Variants in KLHDC1 observed in about 807,000 individuals in gnomAD.
The protein encoded by KLHDC1 is kelch domain containing 1.
A neutral mutation model predicts 68.3 loss-of-function variants in KLHDC1; 53 were observed. That is an observed-to-expected ratio of 0.78 (90% CI 0.62 to 0.98). The LOEUF (loss-of-function observed/expected upper bound fraction) is 0.98, where lower values mean the gene tolerates loss of function less well. Ranked by LOEUF, KLHDC1 falls within the 50% of genes least tolerant of loss-of-function variation. The pLI, the probability that KLHDC1 is intolerant of heterozygous loss-of-function variation, is 0.00. For missense variants in KLHDC1, 470 were observed against 492.3 expected (o/e 0.95, Z 0.43); for synonymous variants, 148 against 159.0 (o/e 0.93, Z 0.52).
intron 12 of KLHDC1, among the ~76,000 whole-genome samples, chr14:49,751,305 A>T (rs1430372024): frequency 3.3e-5 from 5 of 152,164 alleles, no homozygotes; most frequent in Non-Finnish European, 4.4e-5. Context: ...GATGATTTTA[A>T]ATTTTAGGAA....
At chr14:49,715,127 TA>T (rs1259672799) in intron 4 of KLHDC1, among the ~76,000 whole-genome samples, 3 of 148,656 alleles carry the variant, frequency 2.0e-5, no homozygotes, top group Non-Finnish European at 3.0e-5. Flanking sequence ...TTTACTTTAT[TA>T]TTTTTTTTTT....
At chr14:49,720,327 C>A (rs1024934745) in intron 4 of KLHDC1, among the ~76,000 whole-genome samples, 5 of 151,964 alleles carry the variant, frequency 3.3e-5, no homozygotes, top group Non-Finnish European at 7.4e-5. Context: ...ACTATGTTGC[C>A]CAGGCAGACC....
chr14:49,722,690 A>G (rs879169813), intron 4 of KLHDC1, among the ~76,000 whole-genome samples: 1 of 152,222 alleles, frequency 6.6e-6, no homozygotes, highest in African/African-American at 2.4e-5. Context: ...TTACAGTTCC[A>G]TGTGGCTGGG....
intron 5 of KLHDC1, among the ~76,000 whole-genome samples, chr14:49,725,453 A>G (rs1282227955): frequency 6.6e-6 from 1 of 152,312 alleles, no homozygotes; most frequent in East Asian, 1.9e-4. Flanking sequence ...AAGTAAAATT[A>G]TGATTCACTG....
At position 49,693,269 on chromosome 14, in the gene KLHDC1, CTACGTGTGGGG is replaced by C. The variant is rs1376882668; in HGVS notation, c.76_86del (p.Tyr26GlyfsTer6). 1 of 1,561,040 alleles carries C rather than the reference CTACGTGTGGGG, an allele frequency of 6.4e-7. No homozygotes were observed. The highest frequency in any genetic ancestry group is 8.7e-7 in the Non-Finnish European group (1 of 1,155,346). ...GCGCCGTGGTGGACGGAAACTTCCTCTACGTGTGGGGGGGCTACGTGGTAAGGGGAAGAGGC... is the reference window on the plus strand; with the variant it reads ...GCGCCGTGGTGGACGGAAACTTCCTCGGGCTACGTGGTAAGGGGAAGAGGC... On this transcript the variant is annotated frameshift_variant, in exon 1 of 13. Coordinates refer to ENST00000359332, the MANE Select transcript of KLHDC1 (RefSeq NM_172193.3). LOFTEE classifies it high-confidence loss of function.
chr14:49,730,734 A>G (rs1888785229), intron 8 of KLHDC1, among the ~76,000 whole-genome samples: 1 of 152,176 alleles, frequency 6.6e-6, no homozygotes, highest in Admixed American at 6.5e-5. Flanking sequence ...GCACTTTGGG[A>G]AACCGAGGCA....
chr14:49,726,938 C>T (rs1484702189), intron 6 of KLHDC1, among the ~76,000 whole-genome samples: 3 of 152,110 alleles, frequency 2.0e-5, no homozygotes, highest in Non-Finnish European at 2.9e-5. Context: ...ACTCTCTCAA[C>T]GTCTATATAT....
At chr14:49,720,988 A>G (rs1011452503) in intron 4 of KLHDC1, among the ~76,000 whole-genome samples, 11 of 151,784 alleles carry the variant, frequency 7.2e-5, no homozygotes, top group Admixed American at 1.3e-4. Context: ...TTATGGTTCT[A>G]TCTCTTTGCT....
At chr14:49,713,502 C>T (rs1017329295) in intron 4 of KLHDC1, among the ~76,000 whole-genome samples, 6 of 152,074 alleles carry the variant, frequency 3.9e-5, no homozygotes, top group East Asian at 3.9e-4. Flanking sequence ...TTGATTCTTT[C>T]GCCTTTAGAA....
Position 49,751,815 on chromosome 14 carries a change from A to G in KLHDC1, c.*43A>G, listed in dbSNP as rs778862355. On this transcript the variant is annotated 3_prime_UTR_variant, in exon 13 of 13. Transcript: ENST00000359332. ...ATATTTAGTATGTTTTAACTTTTTA[A>G]TCAGACTATACATTTACACTCCCAA... 4 of 1,079,578 alleles carry G rather than the reference A, an allele frequency of 3.7e-6. No individual in the cohort carries two copies. In the African/African-American group the frequency reaches 6.5e-5, roughly 18 times the overall value. The allele number at this position is 1,079,578 out of a possible 1,614,324, so 66.9% of individuals were successfully genotyped here.
chr14:49,751,694 T>C lies in KLHDC1; in HGVS notation c.1143T>C (p.Ala381=), dbSNP rs773985066. 6.2e-7 allele frequency: 1 copy of C among 1,607,628 alleles called. No homozygotes were observed. Among genetic ancestry groups the C allele is most frequent in the East Asian group, 2.2e-5 (1 of 44,544 alleles). Reference sequence around the variant, plus strand: ...TACTCAAAAAAATAACATTTTGGGCTGCAGCTAATCACCGAGAAGAACAAA... The same window carrying C: ...TACTCAAAAAAATAACATTTTGGGCCGCAGCTAATCACCGAGAAGAACAAA... ...QQVLKKITFW[A]AANHREEQRV... The change falls in exon 13 of 13, where the codon GCT becomes GCC. Residue 381 remains alanine (A), a synonymous_variant. Coordinates refer to ENST00000359332, the MANE Select transcript of KLHDC1 (RefSeq NM_172193.3).
At chr14:49,714,422 G>A (rs927442135) in intron 4 of KLHDC1, among the ~76,000 whole-genome samples, 2 of 151,680 alleles carry the variant, frequency 1.3e-5, no homozygotes, top group African/African-American at 4.8e-5. Flanking sequence ...GCAGTGAGCC[G>A]AGATCGCGCC....
Position 49,711,910 on chromosome 14 carries a change from C to CTTTTTTTTTTTTTTTTTTTTTTT in KLHDC1, c.404+1534_404+1556dup, listed in dbSNP as rs992092493. Among the ~76,000 whole-genome samples, 3 of 76,616 alleles carry CTTTTTTTTTTTTTTTTTTTTTTT rather than the reference C, an allele frequency of 3.9e-5. 1 individual carries two copies. The highest frequency in any genetic ancestry group is 5.3e-5 in the Non-Finnish European group (2 of 37,480). The allele number at this position is 76,616 out of a possible 152,430, so 50.3% of individuals were successfully genotyped here. On this transcript the variant is annotated intron_variant, in intron 4 of 12. Coordinates refer to ENST00000359332, the MANE Select transcript of KLHDC1 (RefSeq NM_172193.3). ...TTATATGTCTTTCTTTTTTCTTTTT[C>CTTTTTTTTTTTTTTTTTTTTTTT]TTTTTTTTTTTTTTTTTTTTTTTTT...
chr14:49,751,830 T>C lies in KLHDC1; in HGVS notation c.*58T>C. 1.2e-6 allele frequency: 1 copy of C among 814,504 alleles called. No individual in the cohort carries two copies. Among genetic ancestry groups the C allele is most frequent in the Middle Eastern group, 3.8e-4 (1 of 2,614 alleles). 50.5% of individuals were successfully genotyped at this position (814,504 alleles called of 1,614,324 possible). A position where few individuals can be genotyped will look rare whatever the true frequency, so the allele number is the denominator to read the frequency against. ...TAACTTTTTAATCAGACTATACATT[T>C]ACACTCCCAAATTGCAGGCTTTATT... On this transcript the variant is annotated 3_prime_UTR_variant, in exon 13 of 13. Coordinates refer to ENST00000359332, the MANE Select transcript of KLHDC1 (RefSeq NM_172193.3).
At chr14:49,742,620 C>G (rs547321722) in intron 11 of KLHDC1, among the ~76,000 whole-genome samples, 1 of 149,024 alleles carries the variant, frequency 6.7e-6, no homozygotes, top group South Asian at 2.1e-4. Context: ...TTGCGGTGAG[C>G]CGAGATCGCA....
chr14:49,712,147 T>C (rs1755418769), intron 4 of KLHDC1, among the ~76,000 whole-genome samples: 1 of 152,078 alleles, frequency 6.6e-6, no homozygotes, highest in Non-Finnish European at 1.5e-5. Context: ...CTCGATCTCC[T>C]GACCTCGTGA....
At chr14:49,694,278 A>C (rs570094645) in intron 1 of KLHDC1, among the ~76,000 whole-genome samples, 51 of 152,110 alleles carry the variant, frequency 3.4e-4, no homozygotes, top group Non-Finnish European at 7.4e-5. Flanking sequence ...CTATATGCCA[A>C]CCCTCTTAGT....
rs59444333 is a variant in KLHDC1, at chr14:49,705,365, C to CTTTTT, written c.97-3777_97-3773dup. 1.8e-4 allele frequency among the ~76,000 whole-genome samples: 13 copies of CTTTTT among 71,660 alleles called. 4 individuals carry two copies. Among genetic ancestry groups the CTTTTT allele is most frequent in the Middle Eastern group, 0.024 (1 of 42 alleles). The allele number at this position is 71,660 out of a possible 152,430, so 47.0% of individuals were successfully genotyped here. A position where few individuals can be genotyped will look rare whatever the true frequency, so the allele number is the denominator to read the frequency against. ...TCACTTTCATAATATTTCTTTCTTT[C>CTTTTT]TTTTTTTTTTTTTTTTTTTTTGAGA... is the stretch of plus-strand genomic sequence containing the variant. On this transcript the variant is annotated intron_variant, in intron 1 of 12. Coordinates refer to ENST00000359332, the MANE Select transcript of KLHDC1 (RefSeq NM_172193.3).
At position 49,736,350 on chromosome 14, in the gene KLHDC1, T is replaced by C. The variant is rs535652086; in HGVS notation, c.896+1689T>C. ...AGAGCAGCTGTGAAAGGACATAAAC[T>C]ATCAGTCTGTAGAAAAAACATCAGG... On this transcript the variant is annotated intron_variant, in intron 10 of 12. Coordinates refer to ENST00000359332, the MANE Select transcript of KLHDC1 (RefSeq NM_172193.3). Among the ~76,000 whole-genome samples the C allele has an allele frequency of 2.0e-3, 302 of 152,246 alleles. 2 individuals are homozygous for C. Among genetic ancestry groups the C allele is most frequent in the African/African-American group, 7.0e-3 (289 of 41,552 alleles).
Sources: gnomAD v4.1 joint callset for allele counts (sites outside exome capture counted in the v4.1 genomes callset) on GRCh38, gnomAD v4.1.1 for gene constraint, MANE v1.5 for transcripts, NCBI Gene and HGNC (gene_info 2026-07-23, HGNC 2026-07-21) for gene names.